ZYG11A: variants seen among roughly 807,000 people sequenced by gnomAD.
The protein encoded by ZYG11A is zyg-11 family member A, cell cycle regulator, also known as protein zyg-11 homolog A.
Under a neutral mutation model 77.2 loss-of-function variants are expected in ZYG11A, and 62 were observed. That is an observed-to-expected ratio of 0.80 (90% confidence interval 0.65 to 0.99). The LOEUF (loss-of-function observed/expected upper bound fraction) is 0.99. Ranked by LOEUF, ZYG11A falls within the 50% of genes least tolerant of loss-of-function variation. The pLI is 0.00. For missense variants in ZYG11A, 828 were observed against 896.8 expected, an observed-to-expected ratio of 0.92 and a Z score of 0.98; for synonymous variants, 315 against 324.6, an observed-to-expected ratio of 0.97 and a Z score of 0.32.
At chr1:52,853,309 G>A (rs1228182620) in intron 1 of ZYG11A, among the ~76,000 whole-genome samples, 1 of 152,186 alleles carries the variant, frequency 6.6e-6, no homozygotes, top group African/African-American at 2.4e-5. Context: ...GGGACTATCT[G>A]TACATGCCTT....
chr1:52,891,355 T>C lies in ZYG11A; in HGVS notation c.2105-1427T>C, dbSNP rs1198017800. 1.3e-5 allele frequency among the ~76,000 whole-genome samples: 2 copies of C among 151,964 alleles called. 1 individual carries two copies. The highest frequency in any genetic ancestry group is 4.9e-5 in the African/African-American group (2 of 41,224). ...TCTTTATCTGATCTTATTATGTGTG[T>C]TATGTTGAGTGGGGGCAGTTTTGGA... On this transcript the variant is annotated intron_variant, in intron 13 of 13. Transcript: ENST00000371528.
At chr1:52,852,010 G>A (rs1270754963) in intron 1 of ZYG11A, among the ~76,000 whole-genome samples, 3 of 151,562 alleles carry the variant, frequency 2.0e-5, no homozygotes, top group East Asian at 3.9e-4. Context: ...CGCCTCCCGG[G>A]TTCAAGTGAT....
chr1:52,856,308 T>C (rs1282750211), intron 2 of ZYG11A, among the ~76,000 whole-genome samples: 1 of 152,012 alleles, frequency 6.6e-6, no homozygotes, highest in Non-Finnish European at 1.5e-5. Context: ...AATCTCACCA[T>C]AGAAGATGTG....
At chr1:52,882,314 C>T (rs527772893) in intron 11 of ZYG11A, among the ~76,000 whole-genome samples, 3 of 152,336 alleles carry the variant, frequency 2.0e-5, no homozygotes, top group Admixed American at 1.3e-4. Context: ...TTTCTATGCA[C>T]AGCCTTTCTA....
At chr1:52,861,332 T>C (rs558955537) in intron 4 of ZYG11A, among the ~76,000 whole-genome samples, 16 of 152,348 alleles carry the variant, frequency 1.1e-4, no homozygotes, top group Admixed American at 6.5e-5. Flanking sequence ...ATTTTTCTTT[T>C]ATACATGTGT....
intron 11 of ZYG11A, among the ~76,000 whole-genome samples, chr1:52,882,185 G>A (rs1004947060): frequency 2.6e-5 from 4 of 152,128 alleles, no homozygotes; most frequent in African/African-American, 7.2e-5. Context: ...GAGCCATCGC[G>A]CCTAGCCAAC....
rs779082585 is a variant in ZYG11A, at chr1:52,857,405, G to T, written c.664G>T (p.Ala222Ser). The change falls in exon 3 of 14, where the codon GCA becomes TCA. Residue 222 changes from alanine (A) to serine (S), a missense_variant. Ala to Ser is a moderately conservative substitution (Grantham distance 99). Transcript: ENST00000371528. Reference protein sequence around the residue: ...ISNTLVTDISALLTCKDRLKS... With the variant: ...ISNTLVTDISSLLTCKDRLKS... Reference sequence around the variant, plus strand: ...TAATACTCTAGTCACTGATATTTCTGCACTGCTTACCTGTAAGGATCGATT... The same window carrying T: ...TAATACTCTAGTCACTGATATTTCTTCACTGCTTACCTGTAAGGATCGATT... The T allele has an allele frequency of 2.2e-5, 34 of 1,551,762 alleles. No individual in the cohort carries two copies. Among genetic ancestry groups the T allele is most frequent in the Non-Finnish European group, 2.9e-5 (33 of 1,147,044 alleles).
Position 52,881,464 on chromosome 1 carries a change from C to T in ZYG11A, c.1750-7C>T. The T allele has an allele frequency of 5.8e-6, 9 of 1,541,018 alleles. No homozygotes were observed. The highest frequency in any genetic ancestry group is 7.9e-6 in the Non-Finnish European group (9 of 1,141,188). On this transcript the variant is annotated splice_region_variant and splice_polypyrimidine_tract_variant and intron_variant, in intron 10 of 13. Transcript: ENST00000371528. ...CTCTGGGGTTCTCTGCTCCATCTGA[C>T]CTGTAGAACAACATAGCAGAAGTCA...
intron 8 of ZYG11A, among the ~76,000 whole-genome samples, chr1:52,871,463 C>T (rs1327688376): frequency 6.6e-6 from 1 of 151,452 alleles, no homozygotes; most frequent in Non-Finnish European, 1.5e-5. Flanking sequence ...TATTCTGTTC[C>T]ATTAATTTGC....
At chr1:52,883,644 C>T (rs768738731) in intron 11 of ZYG11A, among the ~76,000 whole-genome samples, 2 of 151,966 alleles carry the variant, frequency 1.3e-5, no homozygotes, top group East Asian at 1.9e-4. Flanking sequence ...CCAGGCTAGT[C>T]GCAAACTCCT....
rs1182939858 is a variant in ZYG11A, at chr1:52,877,689, T to C, written c.1550T>C (p.Leu517Pro). 2 of 1,547,822 alleles carry C rather than the reference T, an allele frequency of 1.3e-6. No individual in the cohort carries two copies. The highest frequency in any genetic ancestry group is 2.4e-5 in the East Asian group (1 of 40,886). The change falls in exon 9 of 14, where the codon CTA (leucine) becomes CCA (proline). Residue 517 changes from leucine (L) to proline (P), a missense_variant. Leu to Pro is a moderately conservative substitution (Grantham distance 98). Coordinates refer to ENST00000371528, the MANE Select transcript of ZYG11A (RefSeq NM_001004339.3). The part of the protein sequence containing the change: ...EELFMAVKEL[L>P]AIVKQKTTEN... Reference sequence around the variant, plus strand: ...TGTCTCTTTGGTTTTTAGGAACTTCTAGCAATAGTAAAACAAAAGACTACT... The same window carrying C: ...TGTCTCTTTGGTTTTTAGGAACTTCCAGCAATAGTAAAACAAAAGACTACT...
chr1:52,864,786 A>T (rs514406), intron 5 of ZYG11A, among the ~76,000 whole-genome samples: 1 of 149,888 alleles, frequency 6.7e-6, no homozygotes, highest in South Asian at 2.1e-4. Flanking sequence ...CTTAGACTAC[A>T]GGCGCTCGCC....
intron 10 of ZYG11A, 48 bp downstream of exon 10, chr1:52,878,017 C>A: frequency 6.8e-7 from 1 of 1,474,332 alleles, no homozygotes; most frequent in Non-Finnish European, 9.3e-7. Context: ...AAAGCAAAAC[C>A]TAACACTTAT....
chr1:52,883,224 C>T (rs190081887), intron 11 of ZYG11A, among the ~76,000 whole-genome samples: 38 of 151,848 alleles, frequency 2.5e-4, no homozygotes, highest in African/African-American at 8.7e-4. Flanking sequence ...TCAAGTGATA[C>T]TCCTGCCTCA....
chr1:52,882,154 A>C (rs1240440974), intron 11 of ZYG11A, among the ~76,000 whole-genome samples: 1 of 152,212 alleles, frequency 6.6e-6, no homozygotes, highest in East Asian at 1.9e-4. Context: ...TGGCCTCCCA[A>C]AGTGCTGGGA....
At chr1:52,887,105 G>T in intron 13 of ZYG11A, 52 bp downstream of exon 13, 1 of 1,073,752 alleles carries the variant, frequency 9.3e-7, no homozygotes. Context: ...CTATTTTTCT[G>T]TGTAATGATT....
At chr1:52,855,333 G>A (rs144349687) in intron 2 of ZYG11A, among the ~76,000 whole-genome samples, 1 of 152,122 alleles carries the variant, frequency 6.6e-6, no homozygotes, top group Non-Finnish European at 1.5e-5. Context: ...GATTACAGAT[G>A]TGAGTCACCA....
chr1:52,857,849 C>A, intron 3 of ZYG11A, 100 bp downstream of exon 3: 1 of 1,012,262 alleles, frequency 9.9e-7, no homozygotes, highest in African/African-American at 1.6e-5. Context: ...GTTACAGAGA[C>A]AGATAAAAAA....
At chr1:52,875,619 A>G (rs531702145) in intron 8 of ZYG11A, among the ~76,000 whole-genome samples, 52 of 151,044 alleles carry the variant, frequency 3.4e-4, no homozygotes, top group African/African-American at 1.3e-3. Context: ...GTATTTCTCA[A>G]TGAAAAAGAA....
Sources: gnomAD v4.1 joint callset for allele counts (sites outside exome capture counted in the v4.1 genomes callset) on GRCh38, gnomAD v4.1.1 for gene constraint, MANE v1.5 for transcripts, NCBI Gene and HGNC (gene_info 2026-07-23, HGNC 2026-07-21) for gene names.